The following CEP128 variants were observed in gnomAD, a reference collection of about 807,000 sequenced individuals.
CEP128 encodes the protein centrosomal protein 128kDa.
A neutral mutation model predicts 156.7 loss-of-function variants in CEP128; 132 were observed. That is an observed-to-expected ratio of 0.84 (90% CI 0.73 to 0.97). CEP128 has a LOEUF of 0.97. Ranked by LOEUF, CEP128 falls within the 50% of genes least tolerant of loss-of-function variation. The probability of loss-of-function intolerance (pLI) is 0.00; values close to 1 mark genes in which losing one functional copy is unlikely to be tolerated. For synonymous variants in CEP128, 469 were observed against 448.9 expected (o/e 1.04, Z -0.57); for missense variants, 1,252 against 1,281.9 (o/e 0.98, Z 0.36).
Position 80,678,049 on chromosome 14 carries a change from A to AAAAAAATATATATAT in CEP128, c.2806+65025_2806+65026insATATATATATTTTTT. On this transcript the variant is annotated intron_variant, in intron 19 of 24. Transcript: ENST00000555265. ...ATGGACAGTTGCTCTATAAAAAAAA[A>AAAAAAATATATATAT]ATATATATATATATGTATATATATA... is the stretch of plus-strand genomic sequence containing the variant. Among the ~76,000 whole-genome samples, 43 of 98,492 alleles carry AAAAAAATATATATAT rather than the reference A, an allele frequency of 4.4e-4. 1 individual carries two copies. Among genetic ancestry groups the AAAAAAATATATATAT allele is most frequent in the African/African-American group, 1.2e-3 (38 of 31,758 alleles). 64.6% of individuals were successfully genotyped at this position (98,492 alleles called of 152,430 possible).
upstream of CEP128, among the ~76,000 whole-genome samples, chr14:80,944,867 C>CA (rs1886300031): frequency 9.2e-5 from 4 of 43,576 alleles, no homozygotes; most frequent in Non-Finnish European, 1.5e-4. Context: ...ACAGAAAAAA[C>CA]AGAACAAAAC....
intron 2 of CEP128, among the ~76,000 whole-genome samples, chr14:80,956,099 G>A (rs977848523): frequency 2.0e-5 from 3 of 152,214 alleles, no homozygotes; most frequent in African/African-American, 7.2e-5. Flanking sequence ...GGTGTACAAT[G>A]ACCGTGAGAG....
intron 19 of CEP128, among the ~76,000 whole-genome samples, chr14:80,652,582 G>GA (rs1894955347): frequency 6.6e-6 from 1 of 151,986 alleles, no homozygotes; most frequent in Admixed American, 6.6e-5. Context: ...CAACAAACAT[G>GA]AAAAAAAGCT....
intron 2 of CEP128, among the ~76,000 whole-genome samples, chr14:80,917,767 G>C (rs1265193042): frequency 6.6e-6 from 1 of 152,190 alleles, no homozygotes; most frequent in African/African-American, 2.4e-5. Context: ...ACAATAAAGA[G>C]AATGTGCTAA....
intron 19 of CEP128, among the ~76,000 whole-genome samples, chr14:80,696,541 G>A (rs1896897841): frequency 6.6e-6 from 1 of 152,166 alleles, no homozygotes; most frequent in African/African-American, 2.4e-5. Flanking sequence ...AAAATGTTTA[G>A]AAATGCACTT....
At chr14:80,881,876 A>G (rs190900947) in intron 8 of CEP128, among the ~76,000 whole-genome samples, 1 of 152,320 alleles carries the variant, frequency 6.6e-6, no homozygotes, top group Admixed American at 6.5e-5. Flanking sequence ...ACATAAGAAA[A>G]GCCATATACA....
intron 13 of CEP128, among the ~76,000 whole-genome samples, chr14:80,801,883 G>C (rs568206640): frequency 7.6e-6 from 1 of 132,242 alleles, no homozygotes; most frequent in Non-Finnish European, 1.6e-5. Flanking sequence ...ACTCTAGCCT[G>C]GGTGACAGTG....
chr14:80,569,939 C>T (rs976450113), intron 20 of CEP128, among the ~76,000 whole-genome samples: 11 of 152,092 alleles, frequency 7.2e-5, no homozygotes, highest in Admixed American at 6.5e-4. Context: ...CCGAGAGAGG[C>T]AGATGCAGAG....
At chr14:80,871,865 T>A (rs1446638624) in intron 8 of CEP128, among the ~76,000 whole-genome samples, 2 of 152,008 alleles carry the variant, frequency 1.3e-5, no homozygotes, top group African/African-American at 4.8e-5. Context: ...TAATGAAAGG[T>A]CAAACAAAAG....
chr14:80,840,611 T>C, intron 10 of CEP128, 71 bp downstream of exon 10: 2 of 930,134 alleles, frequency 2.2e-6, no homozygotes, highest in South Asian at 2.8e-5. Flanking sequence ...GGGACACTTT[T>C]CAAGGCACTC....
chr14:80,829,396 G>A (rs1466944443), intron 13 of CEP128, among the ~76,000 whole-genome samples: 1 of 152,130 alleles, frequency 6.6e-6, no homozygotes, highest in Admixed American at 6.5e-5. Context: ...AGAACTTTCT[G>A]CATCAACTTT....
At chr14:80,830,476 C>T in intron 13 of CEP128, 1 of 330,502 alleles carries the variant, frequency 3.0e-6, no homozygotes, top group Non-Finnish European at 5.5e-6. Context: ...AATGTGTCAT[C>T]CATGTTTAAT....
At chr14:80,858,023 T>G (rs1595506675) in intron 9 of CEP128, among the ~76,000 whole-genome samples, 2 of 152,120 alleles carry the variant, frequency 1.3e-5, no homozygotes, top group South Asian at 4.1e-4. Flanking sequence ...AATGACTTTC[T>G]TCACAGAATT....
intron 18 of CEP128, among the ~76,000 whole-genome samples, chr14:80,751,214 A>G (rs558833402): frequency 6.6e-6 from 1 of 152,360 alleles, no homozygotes; most frequent in South Asian, 2.1e-4. Context: ...CTATGGCTTC[A>G]GTCTATTCTT....
rs578034875 is a variant in CEP128, at chr14:80,907,295, C to T, written c.235-1214G>A. ...AAGAAAAAAAAAAGAGGGGTTTCCA[C>T]ACCCCTCTGTCTCCTCCTTACCTAA... On this transcript the variant is annotated intron_variant, in intron 4 of 24. Transcript: ENST00000555265. 3.9e-5 allele frequency among the ~76,000 whole-genome samples: 6 copies of T among 152,194 alleles called. No individual in the cohort carries two copies. In the East Asian group the frequency reaches 1.2e-3, roughly 29 times the overall value.
chr14:80,834,665 A>G (rs1885982064), intron 12 of CEP128, among the ~76,000 whole-genome samples: 1 of 152,184 alleles, frequency 6.6e-6, no homozygotes, highest in South Asian at 2.1e-4. Context: ...AAGACTTACA[A>G]CAGAAATAAT....
At chr14:80,822,406 CAA>C (rs1036917177) in intron 13 of CEP128, 34 of 410,122 alleles carry the variant, frequency 8.3e-5, no homozygotes, top group African/African-American at 7.0e-4. Flanking sequence ...ACAGGGAAGT[CAA>C]ATCTTAACAC....
intron 15 of CEP128, among the ~76,000 whole-genome samples, chr14:80,779,480 G>A (rs553827143): frequency 6.6e-6 from 1 of 152,280 alleles, no homozygotes; most frequent in Non-Finnish European, 1.5e-5. Context: ...TTAAGTTTCA[G>A]TAGAATGCTT....
At chr14:80,822,608 T>C in intron 13 of CEP128, 6 of 717,074 alleles carry the variant, frequency 8.4e-6, no homozygotes, top group South Asian at 8.1e-5. Context: ...CATGAGGTTG[T>C]CAGCTAAACC....
Sources: allele counts gnomAD v4.1 joint callset (sites outside exome capture counted in the v4.1 genomes callset), GRCh38; gene constraint gnomAD v4.1.1; transcripts MANE v1.5; gene names NCBI Gene and HGNC (gene_info 2026-07-23, HGNC 2026-07-21).